Variants in RCBTB1 observed in about 807,000 individuals in gnomAD.
RCBTB1 encodes RCC1 and BTB domain containing protein 1.
Under a neutral mutation model 62.4 loss-of-function variants are expected in RCBTB1, and 46 were observed. The ratio of observed to expected loss-of-function variants is 0.74; its 90% CI spans 0.58 to 0.94. RCBTB1 has a LOEUF of 0.94. Among genes scored for constraint, RCBTB1 ranks in the 40% least tolerant of loss-of-function variants. The probability of loss-of-function intolerance (pLI) is 0.00; values close to 1 mark genes in which losing one functional copy is unlikely to be tolerated. For synonymous variants in RCBTB1, 222 were observed against 245.8 expected, an observed-to-expected ratio of 0.90 and a Z score of 0.91; for missense variants, 565 against 654.9, an observed-to-expected ratio of 0.86 and a Z score of 1.50.
chr13:49,554,378 T>C (rs9568252), intron 6 of RCBTB1, among the ~76,000 whole-genome samples: 37,234 of 152,092 alleles, frequency 0.24, 5,902 homozygotes, highest in African/African-American at 0.44. Context: ...AGAAGAATAC[T>C]GGAATGGAGG....
chr13:49,549,189 A>T lies in RCBTB1; in HGVS notation c.1045+269T>A, dbSNP rs116227107. Among the ~76,000 whole-genome samples, 1,101 of 151,350 alleles carry T rather than the reference A, an allele frequency of 7.3e-3. 10 individuals are homozygous for T. Among genetic ancestry groups the T allele is most frequent in the African/African-American group, 0.026 (1,045 of 40,886 alleles). ...ATTATGAATGTTCTAAACGCAACTA[A>T]ACTGTACCCTTTACAATGGTTAATT... On this transcript the variant is annotated intron_variant, in intron 9 of 12. Transcript: ENST00000378302.
rs543831299 is a variant in RCBTB1, at chr13:49,549,447, C to A, written c.1045+11G>T. The stretch of plus-strand genomic sequence containing the variant: ...TTCTTCCTGGGTGGAGGTGGCCCTG[C>A]ACTTTCTTACCCACAGACAGGAGGC... On this transcript the variant is annotated intron_variant, in intron 9 of 12. Transcript: ENST00000378302. 1.3e-6 allele frequency: 2 copies of A among 1,598,872 alleles called. No homozygotes were observed. The highest frequency in any genetic ancestry group is 1.3e-5 in the African/African-American group (1 of 74,386).
chr13:49,536,073 G>T (rs1959917298), intron 12 of RCBTB1, among the ~76,000 whole-genome samples: 1 of 151,428 alleles, frequency 6.6e-6, no homozygotes, highest in African/African-American at 2.4e-5. Context: ...TAAAAATGGT[G>T]CCACTAATCA....
chr13:49,576,212 G>C (rs1225430846), intron 2 of RCBTB1, among the ~76,000 whole-genome samples: 2 of 136,472 alleles, frequency 1.5e-5, no homozygotes, highest in South Asian at 2.4e-4. Context: ...AAAAAGTTGA[G>C]ATGATTTTTT....
intron 2 of RCBTB1, among the ~76,000 whole-genome samples, chr13:49,568,076 G>A (rs2044500928): frequency 6.6e-6 from 1 of 152,182 alleles, no homozygotes; most frequent in Admixed American, 6.5e-5. Context: ...CCAGTGATCT[G>A]TAATTCCTTC....
At position 49,566,770 on chromosome 13, in the gene RCBTB1, T is replaced by TCATCATTGTC. The variant is rs752945738; in HGVS notation, c.127-3_127-2insGACAATGATG. The TCATCATTGTC allele has an allele frequency of 6.3e-7, 1 of 1,596,532 alleles. No individual in the cohort carries two copies. Among genetic ancestry groups the TCATCATTGTC allele is most frequent in the African/African-American group, 1.4e-5 (1 of 73,770 alleles). ...ATAGTTCAGTCCAAATACAAAGACC[T>TCATCATTGTC]AGAAAATAGATAGTTTTTTTTCTGA... is the stretch of plus-strand genomic sequence containing the variant. On this transcript the variant is annotated splice_region_variant and splice_polypyrimidine_tract_variant and intron_variant, in intron 3 of 12. Coordinates refer to ENST00000378302, the MANE Select transcript of RCBTB1 (RefSeq NM_018191.4).
Position 49,531,947 on chromosome 13 carries a change from C to T in RCBTB1, c.*2175G>A, listed in dbSNP as rs1959595069. 1 of 152,400 alleles carries T rather than the reference C, an allele frequency of 6.6e-6. No individual in the cohort carries two copies. Among genetic ancestry groups the T allele is most frequent in the East Asian group, 1.9e-4 (1 of 5,188 alleles). 9.4% of individuals were successfully genotyped at this position (152,400 alleles called of 1,614,324 possible). On this transcript the variant is annotated 3_prime_UTR_variant, in exon 13 of 13. Coordinates refer to ENST00000378302, the MANE Select transcript of RCBTB1 (RefSeq NM_018191.4). ...GAAGGAAAAAAACAACTCTATGTGCCTGTTTTAATGTTACTTTGTTTATTA... is the reference window on the plus strand; with the variant it reads ...GAAGGAAAAAAACAACTCTATGTGCTTGTTTTAATGTTACTTTGTTTATTA...
intron 1 of RCBTB1, among the ~76,000 whole-genome samples, chr13:49,584,214 A>G (rs1964265607): frequency 6.6e-6 from 1 of 152,150 alleles, no homozygotes; most frequent in Non-Finnish European, 1.5e-5. Flanking sequence ...TGTTTTCTGA[A>G]GTTCACAGAA....
chr13:49,534,438 C>T (rs1355269846), intron 12 of RCBTB1, among the ~76,000 whole-genome samples, 176 bp from the exon 13 acceptor site: 2 of 152,098 alleles, frequency 1.3e-5, no homozygotes, highest in Admixed American at 1.3e-4. Flanking sequence ...GAGAAAAACA[C>T]ATACTATTTA....
intron 9 of RCBTB1, 81 bp downstream of exon 9, chr13:49,549,377 C>T: frequency 7.1e-7 from 1 of 1,401,610 alleles, no homozygotes; most frequent in Non-Finnish European, 9.7e-7. Context: ...TGAGAGATCC[C>T]AAAACCAGCA....
At chr13:49,582,209 G>GA (rs1964142198) in intron 1 of RCBTB1, among the ~76,000 whole-genome samples, 1 of 152,202 alleles carries the variant, frequency 6.6e-6, no homozygotes, top group African/African-American at 2.4e-5. Flanking sequence ...CAGAAGCGCC[G>GA]GGCGCAGTGG....
In RCBTB1 at chr13:49,549,485, C is replaced by T. The variant is rs777713085; in HGVS notation, c.1018G>A (p.Ala340Thr). The change falls in exon 9 of 13, where the codon GCC (alanine) becomes ACC (threonine). Residue 340 changes from alanine to threonine, a missense_variant. By Grantham distance (58) the Ala-to-Thr change is moderately conservative (BLOSUM62 0). Coordinates refer to ENST00000378302, the MANE Select transcript of RCBTB1 (RefSeq NM_018191.4). ...DDVFACFATPAVSWRLLSVEH... is the reference protein window; with the variant it reads ...DDVFACFATPTVSWRLLSVEH... ...ACAGACAGGAGGCGCCACGAGACGG[C>T]GGGAGTGGCAAAGCAGGCAAACACG... 3.1e-6 allele frequency: 5 copies of T among 1,612,362 alleles called. No individual in the cohort carries two copies. In the East Asian group the frequency reaches 6.7e-5, roughly 22 times the overall value.
Position 49,552,154 on chromosome 13 carries a change from T to G in RCBTB1, c.711+24A>C. 5 of 1,456,674 alleles carry G rather than the reference T, an allele frequency of 3.4e-6. No homozygotes were observed. In the South Asian group the frequency reaches 6.0e-5, roughly 18 times the overall value. 90.2% of individuals were successfully genotyped at this position (1,456,674 alleles called of 1,614,324 possible). Reference sequence around the variant, plus strand: ...GCAAGGAAGGTAGATGGGAAGCCACTAACTGAGAGTGCACCACACGTACCT... The same window carrying G: ...GCAAGGAAGGTAGATGGGAAGCCACGAACTGAGAGTGCACCACACGTACCT... On this transcript the variant is annotated intron_variant, in intron 7 of 12. Coordinates refer to ENST00000378302, the MANE Select transcript of RCBTB1 (RefSeq NM_018191.4).
Position 49,566,777 on chromosome 13 carries a change from TAG to T in RCBTB1, c.127-11_127-10del. On this transcript the variant is annotated splice_polypyrimidine_tract_variant and intron_variant, in intron 3 of 12. Transcript: ENST00000378302. ...AGTCCAAATACAAAGACCTAGAAAA[TAG>T]ATAGTTTTTTTTCTGAGTCTTTTGA... is the stretch of plus-strand genomic sequence containing the variant. 6.3e-7 allele frequency: 1 copy of T among 1,591,874 alleles called. No individual in the cohort carries two copies. Among genetic ancestry groups the T allele is most frequent in the Admixed American group, 1.8e-5 (1 of 55,156 alleles).
intron 2 of RCBTB1, among the ~76,000 whole-genome samples, chr13:49,573,618 T>C (rs534782283): frequency 2.6e-5 from 4 of 151,816 alleles, no homozygotes; most frequent in African/African-American, 9.7e-5. Flanking sequence ...CCGGCTAATT[T>C]TGCATTTTTT....
In RCBTB1 at chr13:49,552,222, T is replaced by C; in HGVS notation, c.667A>G (p.Thr223Ala). The C allele has an allele frequency of 6.3e-7, 1 of 1,592,822 alleles. No homozygotes were observed. The highest frequency in any genetic ancestry group is 1.7e-5 in the Admixed American group (1 of 57,156). ...TGCAAAGCTGCCACTCTCACAGGGG[T>C]CAGCTGGTTGCCATTGTTTCCCAGG... ...LGLGNNGNQL[T>A]PVRVAALHSV... Residue 223 changes from threonine to alanine, a missense_variant, in exon 7 of 13, where the codon ACC becomes GCC. Coordinates refer to ENST00000378302, the MANE Select transcript of RCBTB1 (RefSeq NM_018191.4).
intron 2 of RCBTB1, among the ~76,000 whole-genome samples, chr13:49,573,729 C>T (rs557184836): frequency 2.1e-4 from 32 of 151,256 alleles, no homozygotes; most frequent in Admixed American, 9.2e-4. Flanking sequence ...GGATTACAGG[C>T]GTGAGCCACC....
At position 49,556,283 on chromosome 13, in the gene RCBTB1, G is replaced by A. The variant is rs183371194; in HGVS notation, c.445-610C>T. On this transcript the variant is annotated intron_variant, in intron 5 of 12. Coordinates refer to ENST00000378302, the MANE Select transcript of RCBTB1 (RefSeq NM_018191.4). ...GCGATCTCAGCTCACTGCCAGCCCC[G>A]CCTCCCGGGTTCATGTCATTCTCCT... is the stretch of plus-strand genomic sequence containing the variant. Among the ~76,000 whole-genome samples, 1,279 of 143,880 alleles carry A rather than the reference G, an allele frequency of 8.9e-3. 6 individuals carry two copies. The highest frequency in any genetic ancestry group is 0.024 in the Middle Eastern group (7 of 286). 94.4% of individuals were successfully genotyped at this position (143,880 alleles called of 152,430 possible).
In RCBTB1 at chr13:49,560,026, G is replaced by A. The variant is rs140419890; in HGVS notation, c.336C>T (p.Thr112=). The A allele has an allele frequency of 1.9e-6, 3 of 1,614,156 alleles. No homozygotes were observed. The African/African-American group carries it at 4.0e-5, about 22-fold the overall frequency. Residue 112 remains threonine (T), a synonymous_variant, in exon 5 of 13, where the codon ACC becomes ACT. Transcript: ENST00000378302. ...NGYSQLGNGT[T]NQGIAPVQVC... ...CCTGGACGGGAGCAATGCCTTGGTT[G>A]GTCGTCCCATTCCCAAGCTGGCTAT...
Sources: allele counts gnomAD v4.1 joint callset (sites outside exome capture counted in the v4.1 genomes callset), GRCh38; gene constraint gnomAD v4.1.1; transcripts MANE v1.5; gene names NCBI Gene and HGNC (gene_info 2026-07-23, HGNC 2026-07-21).